Variants in TP73 observed in about 807,000 individuals in gnomAD.
TP73 encodes tumor protein p73.
In TP73, 25 loss-of-function variants were observed where a neutral mutation model predicts 62.5. That is an observed-to-expected ratio of 0.40 (90% confidence interval 0.29 to 0.56). The LOEUF (loss-of-function observed/expected upper bound fraction) is 0.56, where lower values mean the gene tolerates loss of function less well. Among genes scored for constraint, TP73 ranks in the 20% least tolerant of loss-of-function variants. The pLI, the probability that TP73 is intolerant of heterozygous loss-of-function variation, is 0.46. For missense variants in TP73, 754 were observed against 913.3 expected (o/e 0.83, Z 2.25); for synonymous variants, 423 against 377.5 (o/e 1.12, Z -1.40).
chr1:3,731,184 C>A, intron 12 of TP73, 119 bp downstream of exon 12: 1 of 1,406,630 alleles, frequency 7.1e-7, no homozygotes, highest in Non-Finnish European at 9.6e-7. Context: ...AACCCTGGAT[C>A]AGACAGGCGG....
chr1:3,655,904 G>A (rs1293181328), intron 1 of TP73, among the ~76,000 whole-genome samples: 2 of 152,214 alleles, frequency 1.3e-5, no homozygotes, highest in African/African-American at 2.4e-5. Context: ...TCAGCCGGGC[G>A]CAGTGGCTCA....
In TP73 at chr1:3,666,559, G is replaced by A. The variant is rs1052850925; in HGVS notation, c.-34+13918G>A. On this transcript the variant is annotated intron_variant, in intron 1 of 13. Coordinates refer to ENST00000378295, the MANE Select transcript of TP73 (RefSeq NM_005427.4). This position sits in a 1 kb window ranked among gnomAD's most constrained non-coding sequence, Gnocchi z 6.4. ...AAGGGGTCTGACAGTGAAGGTGGGTGCGTGGGCGGGGGGCTTTTAATGGTC... is the reference window on the plus strand; with the variant it reads ...AAGGGGTCTGACAGTGAAGGTGGGTACGTGGGCGGGGGGCTTTTAATGGTC... 2.0e-5 allele frequency among the ~76,000 whole-genome samples: 3 copies of A among 152,116 alleles called. No individual in the cohort carries two copies. Among genetic ancestry groups the A allele is most frequent in the Non-Finnish European group, 4.4e-5 (3 of 68,010 alleles).
intron 1 of TP73, among the ~76,000 whole-genome samples, chr1:3,674,645 G>A (rs989189691): frequency 1.3e-5 from 2 of 152,246 alleles, no homozygotes; most frequent in African/African-American, 4.8e-5. Context: ...CTGGCAGAGG[G>A]CCTTGCCCCT....
Position 3,663,445 on chromosome 1 carries a change from G to C in TP73, c.-34+10804G>C, listed in dbSNP as rs1233953954. On this transcript the variant is annotated intron_variant, in intron 1 of 13. Transcript: ENST00000378295. The surrounding 1 kb of genome is among the most constrained non-coding windows in gnomAD (Gnocchi z 4.7). ...GAAAGGATACAGGCGGCTGGGCGTGGTGGCTCACGCCTGTAATCCCAGCAC... is the reference window on the plus strand; with the variant it reads ...GAAAGGATACAGGCGGCTGGGCGTGCTGGCTCACGCCTGTAATCCCAGCAC... Among the ~76,000 whole-genome samples, 1 of 152,208 alleles carries C rather than the reference G, an allele frequency of 6.6e-6. No individual in the cohort carries two copies. The highest frequency in any genetic ancestry group is 2.4e-5 in the African/African-American group (1 of 41,448).
chr1:3,720,138 G>A (rs1325406781), intron 4 of TP73, among the ~76,000 whole-genome samples: 1 of 152,190 alleles, frequency 6.6e-6, no homozygotes, highest in Non-Finnish European at 1.5e-5. Context: ...GGCCAGGCTG[G>A]TCGAACTCCT....
intron 3 of TP73, among the ~76,000 whole-genome samples, chr1:3,689,625 G>A (rs1391531046): frequency 3.3e-5 from 5 of 152,168 alleles, no homozygotes; most frequent in Non-Finnish European, 7.3e-5. Context: ...GGCCCCTGCC[G>A]GCTCTCGGTG....
intron 3 of TP73, among the ~76,000 whole-genome samples, chr1:3,706,109 G>GC (rs1639603686): frequency 6.6e-6 from 1 of 152,090 alleles, no homozygotes; most frequent in Admixed American, 6.5e-5. Context: ...CAGAATGACC[G>GC]CCCCCCGCCC....
At chr1:3,682,461 G>A (rs533040916) in intron 2 of TP73, 31 bp downstream of exon 2, 2 of 1,456,506 alleles carry the variant, frequency 1.4e-6, no homozygotes. Context: ...AGAGCTGGGG[G>A]CCCCCCTGGG....
intron 6 of TP73, among the ~76,000 whole-genome samples, chr1:3,725,508 A>C (rs1367245862): frequency 9.8e-6 from 1 of 102,368 alleles, no homozygotes; most frequent in Non-Finnish European, 1.9e-5. Context: ...GAATGGGTGA[A>C]TGGATGGGTG....
At position 3,730,062 on chromosome 1, in the gene TP73, G is replaced by A. The variant is rs373171845; in HGVS notation, c.1259G>A (p.Gly420Asp). ...VLSPMNKVHG[G>D]MNKLPSVNQL... ...TCGCCCATGAACAAGGTGCACGGGG[G>A]CATGAACAAGCTGCCCTCCGTCAAC... Residue 420 changes from glycine to aspartate, a missense_variant, in exon 11 of 14, where the codon GGC becomes GAC. Transcript: ENST00000378295. The A allele has an allele frequency of 1.9e-6, 3 of 1,605,704 alleles. No individual in the cohort carries two copies. The highest frequency in any genetic ancestry group is 2.2e-5 in the South Asian group (2 of 89,422).
At chr1:3,709,947 C>T (rs968316722) in intron 4 of TP73, among the ~76,000 whole-genome samples, 1 of 152,174 alleles carries the variant, frequency 6.6e-6, no homozygotes, top group African/African-American at 2.4e-5. Context: ...CTTCCCCCAT[C>T]TAGGGTATCT....
chr1:3,692,798 C>T (rs1645885209), intron 3 of TP73, among the ~76,000 whole-genome samples: 1 of 151,846 alleles, frequency 6.6e-6, no homozygotes, highest in Non-Finnish European at 1.5e-5. Context: ...GGGGACTCCA[C>T]CAAGGTTGAG....
rs138298468 is a variant in TP73 at position 3,701,191 on chromosome 1, G to A, written c.187-6358G>A. On this transcript the variant is annotated intron_variant, in intron 3 of 13. Coordinates refer to ENST00000378295, the MANE Select transcript of TP73 (RefSeq NM_005427.4). This position sits in a 1 kb window ranked among gnomAD's most constrained non-coding sequence, Gnocchi z 4.7. ...CACCTCGGGGAACAGGAGAGACCCC[G>A]ACCCCTGTGAGCACCTGCCCCCGAG... 6.6e-5 allele frequency among the ~76,000 whole-genome samples: 10 copies of A among 152,216 alleles called. No homozygotes were observed. In the East Asian group the frequency reaches 1.9e-3, roughly 29 times the overall value.
intron 1 of TP73, 75 bp from the exon 2 acceptor site, chr1:3,682,258 C>T: frequency 8.5e-7 from 1 of 1,180,382 alleles, no homozygotes; most frequent in South Asian, 2.4e-5. Flanking sequence ...TGCCTGCCGC[C>T]CCCACCGAGG....
At chr1:3,697,175 GTCGCACCCGCGGCCCACC>G (rs951114304) in intron 3 of TP73, among the ~76,000 whole-genome samples, 6 of 108,084 alleles carry the variant, frequency 5.6e-5, no homozygotes, top group Non-Finnish European at 1.3e-4. Flanking sequence ...CGCGGCCCAC[GTCGCACCCGCGGCCCACC>G]TCGCACCCAC....
intron 1 of TP73, among the ~76,000 whole-genome samples, chr1:3,674,924 C>T (rs538185137): frequency 3.9e-5 from 6 of 152,332 alleles, no homozygotes; most frequent in South Asian, 4.1e-4. Flanking sequence ...GGCGGGGGCT[C>T]TTCTGGGTTC....
chr1:3,661,710 CAT>C (rs1013559718), intron 1 of TP73, among the ~76,000 whole-genome samples: 2 of 97,138 alleles, frequency 2.1e-5, no homozygotes, highest in African/African-American at 9.0e-5. Context: ...TATACACACA[CAT>C]GTATTTTGTG....
In TP73 at chr1:3,707,507, C is replaced by CTG. The variant is rs766846785; in HGVS notation, c.187-34_187-33dup. 1.7e-5 allele frequency: 27 copies of CTG among 1,584,938 alleles called. No individual in the cohort carries two copies. In the East Asian group the frequency reaches 5.4e-4, roughly 32 times the overall value. ...CTCCTAGACGGGACAGGACGACTGA[C>CTG]TGTGTGTGTTTCCCCCTCCCTCCTC... On this transcript the variant is annotated intron_variant, in intron 3 of 13. Transcript: ENST00000378295.
At chr1:3,690,314 G>A (rs1292835349) in intron 3 of TP73, among the ~76,000 whole-genome samples, 3 of 152,146 alleles carry the variant, frequency 2.0e-5, no homozygotes, top group Non-Finnish European at 4.4e-5. Context: ...AGTTCCCCGC[G>A]CAGGGGGCAG....
Sources: allele counts gnomAD v4.1 joint callset (sites outside exome capture counted in the v4.1 genomes callset), GRCh38; gene constraint gnomAD v4.1.1; non-coding constraint Gnocchi (gnomAD v3.1); transcripts MANE v1.5; gene names NCBI Gene and HGNC (gene_info 2026-07-23, HGNC 2026-07-21).